Variants in SETBP1 observed in about 807,000 individuals in gnomAD.
SETBP1 encodes the protein SET binding protein 1, also known as SET-binding protein.
In SETBP1, 9 loss-of-function variants were observed where a neutral mutation model predicts 101.0. That is an observed-to-expected ratio of 0.09 (90% CI 0.05 to 0.16). SETBP1 has a LOEUF of 0.16. Ranked by LOEUF, SETBP1 falls within the 10% of genes least tolerant of loss-of-function variation. The pLI, the probability that SETBP1 is intolerant of heterozygous loss-of-function variation, is 1.00. For missense variants in SETBP1, 1,858 were observed against 2,033.8 expected, an observed-to-expected ratio of 0.91 and a Z score of 1.66; for synonymous variants, 818 against 788.5, an observed-to-expected ratio of 1.04 and a Z score of -0.63.
intron 4 of SETBP1, among the ~76,000 whole-genome samples, chr18:44,990,669 A>C (rs186649741): frequency 7.0e-4 from 107 of 152,040 alleles, no homozygotes; most frequent in Non-Finnish European, 6.3e-4. Flanking sequence ...AGACCCCCCC[A>C]CACACACGTT....
intron 2 of SETBP1, among the ~76,000 whole-genome samples, chr18:44,747,031 G>A (rs1430843611): frequency 6.6e-6 from 1 of 152,214 alleles, no homozygotes; most frequent in Non-Finnish European, 1.5e-5. Flanking sequence ...CCAACAGTTA[G>A]TCACATGCCA....
chr18:45,043,603 C>G (rs962713808), intron 5 of SETBP1, among the ~76,000 whole-genome samples: 1 of 152,126 alleles, frequency 6.6e-6, no homozygotes, highest in African/African-American at 2.4e-5. Context: ...TATTATCTAC[C>G]ATGTTTAAAA....
intron 2 of SETBP1, among the ~76,000 whole-genome samples, chr18:44,728,687 G>A (rs927886485): frequency 1.3e-5 from 2 of 152,224 alleles, no homozygotes; most frequent in Non-Finnish European, 2.9e-5. Context: ...TTGGGGGCAG[G>A]GAGAGAAAGC....
intron 2 of SETBP1, among the ~76,000 whole-genome samples, chr18:44,707,908 G>A (rs2069257347): frequency 6.6e-6 from 1 of 152,162 alleles, no homozygotes; most frequent in African/African-American, 2.4e-5. Flanking sequence ...GACATGAAAG[G>A]GGAGCCTTTT....
chr18:44,956,265 C>T (rs545653043), intron 4 of SETBP1, among the ~76,000 whole-genome samples: 1 of 152,080 alleles, frequency 6.6e-6, no homozygotes, highest in African/African-American at 2.4e-5. Context: ...GCCCCCAAAG[C>T]ATGAGAGAAA....
chr18:44,690,129 C>T (rs140688224), intron 1 of SETBP1, among the ~76,000 whole-genome samples: 8 of 152,202 alleles, frequency 5.3e-5, no homozygotes, highest in Admixed American at 3.3e-4. Context: ...GGGGATGGGC[C>T]GCTCTGGGGA....
At chr18:45,016,760 CACACACAG>C (rs2072952199) in intron 4 of SETBP1, among the ~76,000 whole-genome samples, 4 of 146,026 alleles carry the variant, frequency 2.7e-5, no homozygotes, top group Non-Finnish European at 6.1e-5. Flanking sequence ...CACACACACA[CACACACAG>C]AGAGCTCTCA....
Position 45,064,008 on chromosome 18 carries a change from C to T in SETBP1, c.*310C>T. The T allele has an allele frequency of 3.5e-6, 1 of 284,568 alleles. No homozygotes were observed. The highest frequency in any genetic ancestry group is 6.6e-6 in the Non-Finnish European group (1 of 150,448). The allele number at this position is 284,568 out of a possible 1,614,324, so 17.6% of individuals were successfully genotyped here. A position where few individuals can be genotyped will look rare whatever the true frequency, so the allele number is the denominator to read the frequency against. ...AGGAGGAGCAGGCTGGTGGCACTCT[C>T]CTGACCTCACGCTGCCAAGGTGCGC... On this transcript the variant is annotated 3_prime_UTR_variant, in exon 6 of 6. Coordinates refer to ENST00000649279, the MANE Select transcript of SETBP1 (RefSeq NM_015559.3).
intron 1 of SETBP1, among the ~76,000 whole-genome samples, chr18:44,695,156 T>C (rs1031019690): frequency 3.3e-5 from 5 of 151,662 alleles, no homozygotes; most frequent in African/African-American, 1.2e-4. Context: ...AGAAAAGCAG[T>C]GAGAGAGAAA....
intron 3 of SETBP1, among the ~76,000 whole-genome samples, chr18:44,888,217 T>C (rs1015942754): frequency 1.3e-5 from 2 of 152,034 alleles, no homozygotes; most frequent in Non-Finnish European, 2.9e-5. Context: ...TGCACCTCAA[T>C]TGGTGAGAAA....
chr18:45,014,666 T>C (rs1042957206), intron 4 of SETBP1, among the ~76,000 whole-genome samples: 9 of 152,088 alleles, frequency 5.9e-5, no homozygotes, highest in Non-Finnish European at 8.8e-5. Flanking sequence ...TGTTTAGTGG[T>C]TAAGACTTTG....
chr18:45,021,698 A>G (rs995901362), intron 4 of SETBP1, among the ~76,000 whole-genome samples: 1 of 152,214 alleles, frequency 6.6e-6, no homozygotes, highest in Non-Finnish European at 1.5e-5. Context: ...TACATACACT[A>G]GAGAGGGAGG....
chr18:45,027,443 C>A (rs527657538), intron 4 of SETBP1, among the ~76,000 whole-genome samples: 2 of 152,280 alleles, frequency 1.3e-5, no homozygotes, highest in African/African-American at 4.8e-5. Flanking sequence ...TCTTAACTTT[C>A]ATATTAGCAA....
chr18:44,812,105 GCTCTCATGAGGAGA>G (rs1237379226), intron 2 of SETBP1, among the ~76,000 whole-genome samples: 2 of 151,990 alleles, frequency 1.3e-5, no homozygotes, highest in African/African-American at 2.4e-5. Flanking sequence ...TTGGTATGGG[GCTCTCATGAGGAGA>G]CTCTCATGAG....
At chr18:44,818,485 A>C (rs749880761) in intron 2 of SETBP1, among the ~76,000 whole-genome samples, 1 of 152,142 alleles carries the variant, frequency 6.6e-6, no homozygotes, top group African/African-American at 2.4e-5. Context: ...ACCAGTGACC[A>C]TGGTCAGTGG....
At chr18:44,904,008 T>G (rs1415867133) in intron 3 of SETBP1, among the ~76,000 whole-genome samples, 1 of 152,210 alleles carries the variant, frequency 6.6e-6, no homozygotes, top group Non-Finnish European at 1.5e-5. Context: ...CTAGTTCTTA[T>G]TATCTTACAT....
chr18:45,053,828 C>T (rs1042266777), intron 5 of SETBP1, among the ~76,000 whole-genome samples: 5 of 151,832 alleles, frequency 3.3e-5, no homozygotes, highest in Non-Finnish European at 7.4e-5. Context: ...AACATGCATG[C>T]ACAATAGTTG....
chr18:44,986,703 A>C (rs1016581935), intron 4 of SETBP1: 1 of 151,760 alleles, frequency 6.6e-6, no homozygotes, highest in Admixed American at 6.6e-5. Context: ...TAGCATCAAG[A>C]TCATAAATAT....
At chr18:44,758,178 G>A (rs1475368879) in intron 2 of SETBP1, among the ~76,000 whole-genome samples, 5 of 152,084 alleles carry the variant, frequency 3.3e-5, no homozygotes, top group Admixed American at 2.0e-4. Context: ...TGAGGCAGCC[G>A]CTGATGTCAG....
Sources: allele counts gnomAD v4.1 joint callset (sites outside exome capture counted in the v4.1 genomes callset), GRCh38; gene constraint gnomAD v4.1.1; transcripts MANE v1.5; gene names NCBI Gene and HGNC (gene_info 2026-07-23, HGNC 2026-07-21).